Variants in TESK2 observed in about 807,000 individuals in gnomAD.
TESK2 encodes the protein dual specificity testis-specific protein kinase 2.
In TESK2, 39 loss-of-function variants were observed where a neutral mutation model predicts 57.1. That is an observed-to-expected ratio of 0.68 (90% confidence interval 0.53 to 0.89). TESK2 has a LOEUF of 0.89. Among genes scored for constraint, TESK2 ranks in the 40% least tolerant of loss-of-function variants. TESK2 has a pLI of 0.00. For synonymous variants in TESK2, 249 were observed against 267.9 expected (o/e 0.93, Z 0.69); for missense variants, 646 against 732.1 (o/e 0.88, Z 1.36).
intron 2 of TESK2, among the ~76,000 whole-genome samples, chr1:45,437,018 T>TC (rs2149292518): frequency 6.7e-6 from 1 of 149,500 alleles, no homozygotes; most frequent in South Asian, 2.1e-4. Flanking sequence ...AGGCTGGTCT[T>TC]CAACTCCTGG....
At chr1:45,488,640 G>A (rs1653582690) in intron 1 of TESK2, among the ~76,000 whole-genome samples, 2 of 152,156 alleles carry the variant, frequency 1.3e-5, no homozygotes, top group Non-Finnish European at 2.9e-5. Context: ...TAACCACAAG[G>A]CTGTTGTGAT....
At chr1:45,452,656 C>T (rs1651915508) in intron 2 of TESK2, among the ~76,000 whole-genome samples, 1 of 151,860 alleles carries the variant, frequency 6.6e-6, no homozygotes, top group Non-Finnish European at 1.5e-5. Context: ...CGCCTATAAC[C>T]CAGCATTTTG....
At chr1:45,460,354 C>T (rs551336007) in intron 1 of TESK2, among the ~76,000 whole-genome samples, 10 of 151,938 alleles carry the variant, frequency 6.6e-5, no homozygotes, top group Admixed American at 4.6e-4. Flanking sequence ...CCTCTCTCTA[C>T]GAAAAACACA....
intron 4 of TESK2, among the ~76,000 whole-genome samples, chr1:45,364,878 A>G (rs1261794008): frequency 1.3e-5 from 2 of 152,236 alleles, no homozygotes; most frequent in African/African-American, 2.4e-5. Flanking sequence ...AAATGACTCA[A>G]TGTGCCATCA....
chr1:45,432,097 A>C (rs1223895304), intron 2 of TESK2, among the ~76,000 whole-genome samples: 1 of 151,570 alleles, frequency 6.6e-6, no homozygotes, highest in Non-Finnish European at 1.5e-5. Flanking sequence ...AATACAAAAA[A>C]CGTTACCCAG....
intron 3 of TESK2, among the ~76,000 whole-genome samples, chr1:45,397,383 TA>T (rs571172614): frequency 1.4e-3 from 208 of 152,306 alleles, no homozygotes; most frequent in Non-Finnish European, 2.0e-3. Flanking sequence ...TACCTCTCTG[TA>T]TAGTTATACA....
At position 45,432,685 on chromosome 1, in the gene TESK2, C is replaced by T. The variant is rs1346543659; in HGVS notation, c.223-10839G>A. Among the ~76,000 whole-genome samples the T allele has an allele frequency of 3.4e-5, 5 of 147,612 alleles. 1 individual carries two copies. Among genetic ancestry groups the T allele is most frequent in the South Asian group, 4.3e-4 (2 of 4,696 alleles). Reference sequence around the variant, plus strand: ...CAGCCTGGGCAAAAGAGCCAGACTCCGTCTCAAAAAAAAAAGATATATACA... The same window carrying T: ...CAGCCTGGGCAAAAGAGCCAGACTCTGTCTCAAAAAAAAAAGATATATACA... On this transcript the variant is annotated intron_variant, in intron 2 of 10. Coordinates refer to ENST00000372086, the MANE Select transcript of TESK2 (RefSeq NM_007170.3).
intron 1 of TESK2, among the ~76,000 whole-genome samples, chr1:45,471,734 G>C (rs1206645974): frequency 6.6e-6 from 1 of 151,904 alleles, no homozygotes; most frequent in African/African-American, 2.4e-5. Context: ...AGATAAGAGG[G>C]AAGGCTTAAT....
chr1:45,445,935 G>A (rs2149295613), intron 2 of TESK2, among the ~76,000 whole-genome samples: 1 of 152,168 alleles, frequency 6.6e-6, no homozygotes, highest in Middle Eastern at 3.4e-3. Context: ...TCAGCTCTTT[G>A]CAAGTATATT....
At chr1:45,390,092 C>T (rs1283339892) in intron 3 of TESK2, among the ~76,000 whole-genome samples, 1 of 152,038 alleles carries the variant, frequency 6.6e-6, no homozygotes, top group East Asian at 1.9e-4. Flanking sequence ...CCTCTGGGCT[C>T]TATGACCCTA....
At chr1:45,380,384 C>CA (rs1179859537) in intron 4 of TESK2, among the ~76,000 whole-genome samples, 1 of 152,152 alleles carries the variant, frequency 6.6e-6, no homozygotes, top group Non-Finnish European at 1.5e-5. Context: ...AACAGGTTCC[C>CA]AAACTGCTTG....
intron 3 of TESK2, among the ~76,000 whole-genome samples, chr1:45,409,809 G>T (rs535763610): frequency 6.6e-6 from 1 of 152,268 alleles, no homozygotes; most frequent in South Asian, 2.1e-4. Context: ...GAAAGGGAAT[G>T]CGGCAGGAAA....
intron 3 of TESK2, among the ~76,000 whole-genome samples, chr1:45,408,111 T>C (rs998874877): frequency 1.3e-5 from 2 of 152,176 alleles, no homozygotes; most frequent in African/African-American, 4.8e-5. Flanking sequence ...TTTATTTTTA[T>C]TAGGGTGTTT....
intron 4 of TESK2, among the ~76,000 whole-genome samples, chr1:45,376,770 T>C (rs1444079616): frequency 6.6e-6 from 1 of 152,090 alleles, no homozygotes; most frequent in Non-Finnish European, 1.5e-5. Context: ...CAAGAATGTA[T>C]AGAAGAGAGC....
At chr1:45,347,496 G>T in intron 7 of TESK2, 113 bp downstream of exon 7, 1 of 956,910 alleles carries the variant, frequency 1.0e-6, no homozygotes, top group Non-Finnish European at 1.6e-6. Context: ...AACTCGGGAG[G>T]CAGTAAGCCG....
chr1:45,447,967 T>G (rs1651704796), intron 2 of TESK2, among the ~76,000 whole-genome samples: 1 of 149,436 alleles, frequency 6.7e-6, no homozygotes, highest in African/African-American at 2.4e-5. Flanking sequence ...AAAGAAGAAC[T>G]AAATAAAATG....
intron 1 of TESK2, among the ~76,000 whole-genome samples, chr1:45,471,987 C>T (rs1236642395): frequency 1.3e-5 from 2 of 152,108 alleles, no homozygotes; most frequent in African/African-American, 4.8e-5. Flanking sequence ...CGCAGTGGCT[C>T]ACGCCTGTAA....
intron 4 of TESK2, among the ~76,000 whole-genome samples, chr1:45,370,305 T>C (rs1648121776): frequency 6.6e-6 from 1 of 152,216 alleles, no homozygotes; most frequent in Non-Finnish European, 1.5e-5. Context: ...AATACAGATA[T>C]CTGCATCTCA....
intron 2 of TESK2, among the ~76,000 whole-genome samples, chr1:45,433,738 A>G (rs1200660262): frequency 1.3e-5 from 2 of 152,202 alleles, no homozygotes; most frequent in African/African-American, 2.4e-5. Flanking sequence ...TAGTGCTGCA[A>G]TAAACATGGA....
Sources: gnomAD v4.1 joint callset for allele counts (sites outside exome capture counted in the v4.1 genomes callset) on GRCh38, gnomAD v4.1.1 for gene constraint, MANE v1.5 for transcripts, NCBI Gene and HGNC (gene_info 2026-07-23, HGNC 2026-07-21) for gene names.